PTPRD: variants seen among roughly 807,000 people sequenced by gnomAD.
The protein encoded by PTPRD is receptor-type tyrosine-protein phosphatase delta.
Under a neutral mutation model 214.5 loss-of-function variants are expected in PTPRD, and 34 were observed. The ratio of observed to expected loss-of-function variants is 0.16; its 90% CI spans 0.12 to 0.21. The LOEUF (loss-of-function observed/expected upper bound fraction) is 0.21. Among genes scored for constraint, PTPRD ranks in the 10% least tolerant of loss-of-function variants. The pLI is 1.00. For missense variants in PTPRD, 2,545 were observed against 2,398.7 expected (o/e 1.06, Z -1.27); for synonymous variants, 1,128 against 845.7 (o/e 1.33, Z -5.79).
chr9:9,251,428 C>G (rs2099975444), intron 9 of PTPRD, among the ~76,000 whole-genome samples: 1 of 152,006 alleles, frequency 6.6e-6, no homozygotes, highest in African/African-American at 2.4e-5. Context: ...AGCTCTATGC[C>G]TTTGTACATG....
intron 9 of PTPRD, among the ~76,000 whole-genome samples, chr9:9,289,596 C>T (rs539219759): frequency 6.1e-4 from 93 of 151,872 alleles, no homozygotes; most frequent in Non-Finnish European, 1.3e-3. Context: ...ACAATTCAAA[C>T]TTTGTACCCT....
At chr9:9,801,890 A>G (rs769473086) in intron 5 of PTPRD, among the ~76,000 whole-genome samples, 23 of 152,054 alleles carry the variant, frequency 1.5e-4, no homozygotes, top group Admixed American at 6.5e-4. Context: ...TCAGGCAAGC[A>G]GTGCTTACAA....
chr9:8,798,919 A>T (rs186228105), intron 11 of PTPRD, among the ~76,000 whole-genome samples: 1 of 152,286 alleles, frequency 6.6e-6, no homozygotes, highest in East Asian at 1.9e-4. Context: ...ATAACGACTC[A>T]GAGCCTAGCT....
At chr9:9,485,336 G>C (rs774139444) in intron 8 of PTPRD, among the ~76,000 whole-genome samples, 2 of 152,112 alleles carry the variant, frequency 1.3e-5, no homozygotes, top group Non-Finnish European at 2.9e-5. Context: ...ACTAAATTTA[G>C]TAACATTTAG....
At chr9:8,546,712 C>T (rs937220421) in intron 14 of PTPRD, among the ~76,000 whole-genome samples, 3 of 152,050 alleles carry the variant, frequency 2.0e-5, no homozygotes, top group African/African-American at 7.2e-5. Context: ...GTTGGCCAGG[C>T]TGGTCTTGAA....
intron 5 of PTPRD, among the ~76,000 whole-genome samples, chr9:9,815,622 T>G (rs1301456973): frequency 1.3e-5 from 2 of 152,152 alleles, no homozygotes; most frequent in African/African-American, 4.8e-5. Flanking sequence ...TCCATTATGC[T>G]AAGTGAAATA....
At chr9:10,223,769 T>C (rs1299073390) in intron 3 of PTPRD, among the ~76,000 whole-genome samples, 2 of 150,186 alleles carry the variant, frequency 1.3e-5, no homozygotes, top group South Asian at 2.1e-4. Context: ...AACCTCTGGG[T>C]AACAGAAGCA....
intron 9 of PTPRD, among the ~76,000 whole-genome samples, chr9:9,293,640 C>A (rs1416898019): frequency 1.3e-5 from 2 of 151,362 alleles, no homozygotes; most frequent in African/African-American, 4.8e-5. Context: ...ACCGTAATAC[C>A]CCCTTATCCT....
intron 3 of PTPRD, among the ~76,000 whole-genome samples, chr9:10,121,153 G>C (rs747637980): frequency 6.6e-6 from 1 of 152,042 alleles, no homozygotes; most frequent in East Asian, 1.9e-4. Context: ...TTGTGAATAA[G>C]AGTATTGATT....
chr9:10,307,230 C>A (rs1217007044), intron 3 of PTPRD, among the ~76,000 whole-genome samples: 3 of 151,982 alleles, frequency 2.0e-5, no homozygotes, highest in African/African-American at 7.3e-5. Flanking sequence ...CACCAAACAT[C>A]TCCACACACA....
At chr9:10,323,253 CCCTTCT>C (rs2096585731) in intron 3 of PTPRD, among the ~76,000 whole-genome samples, 1 of 42,526 alleles carries the variant, frequency 2.4e-5, no homozygotes, top group Non-Finnish European at 4.5e-5. Flanking sequence ...CCCTCCCCTT[CCCTTCT>C]CTCCCCTCCC....
At chr9:9,068,786 A>AT (rs1487217792) in intron 10 of PTPRD, among the ~76,000 whole-genome samples, 3 of 151,796 alleles carry the variant, frequency 2.0e-5, no homozygotes, top group East Asian at 3.9e-4. Flanking sequence ...TAATTTTTGT[A>AT]TTTTTAGCAG....
At chr9:10,610,539 CT>C (rs1567200530) in intron 2 of PTPRD, among the ~76,000 whole-genome samples, 1 of 151,634 alleles carries the variant, frequency 6.6e-6, no homozygotes, top group Non-Finnish European at 1.5e-5. Flanking sequence ...CAGATAGCCT[CT>C]CGGACATGTG....
intron 8 of PTPRD, among the ~76,000 whole-genome samples, chr9:9,455,324 A>G (rs1038859798): frequency 3.3e-5 from 5 of 151,572 alleles, no homozygotes; most frequent in Admixed American, 2.6e-4. Context: ...CATGATACAG[A>G]TATGCAGAGA....
At chr9:9,639,547 G>A (rs527869212) in intron 7 of PTPRD, among the ~76,000 whole-genome samples, 1 of 152,126 alleles carries the variant, frequency 6.6e-6, no homozygotes, top group Non-Finnish European at 1.5e-5. Flanking sequence ...AAATTGTTCA[G>A]CTATTCTCTT....
intron 6 of PTPRD, among the ~76,000 whole-genome samples, chr9:9,738,053 G>A (rs533863486): frequency 2.0e-5 from 3 of 151,610 alleles, no homozygotes; most frequent in African/African-American, 7.3e-5. Context: ...ATTGAACAAC[G>A]AGAACACGTG....
intron 3 of PTPRD, among the ~76,000 whole-genome samples, chr9:10,203,795 G>C (rs918665777): frequency 4.6e-5 from 7 of 152,078 alleles, no homozygotes; most frequent in Non-Finnish European, 7.4e-5. Flanking sequence ...CTTCTCAGTC[G>C]AGTCTGGTAA....
At chr9:9,383,405 T>G (rs916544675) in intron 9 of PTPRD, among the ~76,000 whole-genome samples, 1 of 152,128 alleles carries the variant, frequency 6.6e-6, no homozygotes, top group South Asian at 2.1e-4. Context: ...TGTTATATCC[T>G]TAAGAGAATT....
chr9:9,955,536 T>G (rs10816265), intron 4 of PTPRD, among the ~76,000 whole-genome samples: 59,505 of 140,730 alleles, frequency 0.42, 13,409 homozygotes, highest in East Asian at 0.6. Context: ...GTTTTTTTTT[T>G]TTTTTGAGAC....
Sources: allele counts gnomAD v4.1 joint callset (sites outside exome capture counted in the v4.1 genomes callset), GRCh38; gene constraint gnomAD v4.1.1; transcripts MANE v1.5; gene names NCBI Gene and HGNC (gene_info 2026-07-23, HGNC 2026-07-21).